Variants in DAPK2 observed in about 807,000 individuals in gnomAD.
The protein encoded by DAPK2 is death associated protein kinase 2, also known as death-associated protein kinase 2.
In DAPK2, 35 loss-of-function variants were observed where a neutral mutation model predicts 44.1. The observed-to-expected ratio is 0.79, with a 90% CI of 0.61 to 1.05. DAPK2 has a LOEUF of 1.05. Ranked by LOEUF, DAPK2 falls within the 50% of genes least tolerant of loss-of-function variation. The pLI, the probability that DAPK2 is intolerant of heterozygous loss-of-function variation, is 0.00. For synonymous variants in DAPK2, 174 were observed against 182.6 expected (o/e 0.95, Z 0.38); for missense variants, 453 against 483.2 (o/e 0.94, Z 0.59).
chr15:64,030,859 T>G (rs1287986511), intron 1 of DAPK2, among the ~76,000 whole-genome samples: 1 of 152,050 alleles, frequency 6.6e-6, no homozygotes, highest in East Asian at 1.9e-4. Context: ...CCCTAGCTAC[T>G]CAGGAAGCTG....
intron 3 of DAPK2, among the ~76,000 whole-genome samples, chr15:63,965,082 T>A (rs544126595): frequency 1.3e-5 from 2 of 152,312 alleles, no homozygotes; most frequent in African/African-American, 4.8e-5. Flanking sequence ...TTTGTACCCA[T>A]CTATTTGGGA....
chr15:63,920,250 A>G (rs935051642), intron 8 of DAPK2: 6 of 152,106 alleles, frequency 3.9e-5, no homozygotes, highest in Non-Finnish European at 5.9e-5. Flanking sequence ...GATCACACTG[A>G]TAGTGCAAAT....
At chr15:63,929,423 TG>T in intron 6 of DAPK2, 127 bp downstream of exon 7, 1 of 1,233,164 alleles carries the variant, frequency 8.1e-7, no homozygotes, top group South Asian at 1.3e-5. Flanking sequence ...GCTTGCTGTG[TG>T]GACTTAACAC....
Position 63,980,496 on chromosome 15 carries a change from G to C in DAPK2, c.314+3037C>G. Among the ~76,000 whole-genome samples, 1 of 152,220 alleles carries C rather than the reference G, an allele frequency of 6.6e-6. No homozygotes were observed. Among genetic ancestry groups the C allele is most frequent in the South Asian group, 2.1e-4 (1 of 4,822 alleles). ...ACGTTGTGGTAGTAATGGTTAACCAGCACCATCTTTGAAAAGTGAGGATAT... is the reference window on the plus strand; with the variant it reads ...ACGTTGTGGTAGTAATGGTTAACCACCACCATCTTTGAAAAGTGAGGATAT... On this transcript the variant is annotated intron_variant, in intron 2 of 10. Transcript: ENST00000261891. This position sits in a 1 kb window ranked among gnomAD's most constrained non-coding sequence, Gnocchi z 4.3.
chr15:64,045,500 G>A (rs1323313528), intron 1 of DAPK2, among the ~76,000 whole-genome samples: 3 of 152,184 alleles, frequency 2.0e-5, no homozygotes, highest in Non-Finnish European at 2.9e-5. Flanking sequence ...CCCTGCACCT[G>A]CCCGCTTGCC....
At chr15:64,040,289 G>T, upstream of DAPK2, 1 of 1,593,446 alleles carries the variant, frequency 6.3e-7, no homozygotes, top group Non-Finnish European at 8.6e-7. Context: ...AGAAACCTGT[G>T]GTTAGGACAG....
rs191691197 is a variant in DAPK2 at position 63,945,783 on chromosome 15, T to C, written c.454-6422A>G. On this transcript the variant is annotated intron_variant, in intron 3 of 10. Transcript: ENST00000261891. ...CAAAGCCCCTTCAAGCTCTGGGCTC[T>C]GCAGTTTCGAGATGGCACAACCTCC... 1.2e-3 allele frequency among the ~76,000 whole-genome samples: 184 copies of C among 152,326 alleles called. 1 individual carries two copies. The highest frequency in any genetic ancestry group is 4.4e-3 in the African/African-American group (183 of 41,584).
intron 4 of DAPK2, 110 bp from the exon 6 acceptor site, chr15:63,930,565 G>A (rs2140372923): frequency 9.9e-7 from 1 of 1,007,824 alleles, no homozygotes; most frequent in Non-Finnish European, 1.5e-6. Context: ...TGAATCTCCA[G>A]GAAAATTAGA....
chr15:63,954,868 C>T (rs2077682094), intron 3 of DAPK2, among the ~76,000 whole-genome samples: 1 of 152,110 alleles, frequency 6.6e-6, no homozygotes, highest in South Asian at 2.1e-4. Context: ...AGATCTTTCA[C>T]ATATTTTGTT....
chr15:64,035,781 C>T (rs1461895299), intron 1 of DAPK2, among the ~76,000 whole-genome samples: 3 of 152,200 alleles, frequency 2.0e-5, no homozygotes, highest in Admixed American at 6.5e-5. Flanking sequence ...CAGGCTGGTG[C>T]CAAAAGTGTG....
intron 1 of DAPK2, among the ~76,000 whole-genome samples, chr15:63,989,475 T>G (rs1426683403): frequency 6.6e-6 from 1 of 152,176 alleles, no homozygotes; most frequent in Non-Finnish European, 1.5e-5. Context: ...TCCACGTCAC[T>G]GACTCCGGCT....
rs1308321125 is a variant in DAPK2 at position 63,926,095 on chromosome 15, T to C, written c.660-2A>G. 2 of 1,599,804 alleles carry C rather than the reference T, an allele frequency of 1.3e-6. No homozygotes were observed. The highest frequency in any genetic ancestry group is 2.2e-5 in the East Asian group (1 of 44,712). On this transcript the variant is annotated splice_acceptor_variant, in intron 6 of 10. Transcript: ENST00000261891. LOFTEE classifies it high-confidence loss of function. ...AGGAAAGGGGATGCTCCACTTAAGC[T>C]GAGTACGACAGACAGGGAATCAAAT...
intron 2 of DAPK2, among the ~76,000 whole-genome samples, chr15:63,976,586 T>C (rs1415337747): frequency 6.6e-6 from 1 of 151,406 alleles, no homozygotes; most frequent in Non-Finnish European, 1.5e-5. Context: ...GGCATGGTGA[T>C]GTGCACCTGT....
At chr15:63,925,412 G>A (rs1023208149) in intron 7 of DAPK2, among the ~76,000 whole-genome samples, 3 of 151,938 alleles carry the variant, frequency 2.0e-5, no homozygotes, top group Admixed American at 2.0e-4. Flanking sequence ...CATGCTCTGG[G>A]TACCCAGCGC....
chr15:64,009,899 C>T (rs1331280719), intron 1 of DAPK2, among the ~76,000 whole-genome samples: 1 of 152,198 alleles, frequency 6.6e-6, no homozygotes, highest in African/African-American at 2.4e-5. Flanking sequence ...AAATCTGAAA[C>T]ACAGTCATGA....
intron 4 of DAPK2, chr15:63,932,607 A>C (rs2077002353): frequency 6.6e-6 from 1 of 152,076 alleles, no homozygotes; most frequent in Non-Finnish European, 1.5e-5. Flanking sequence ...AAAAAAGAGG[A>C]CAGTAGCTTG....
chr15:63,967,507 A>C (rs1484130741), intron 3 of DAPK2, among the ~76,000 whole-genome samples: 1 of 152,184 alleles, frequency 6.6e-6, no homozygotes, highest in Non-Finnish European at 1.5e-5. Context: ...CCTGGCCAAC[A>C]TGGTGAAACC....
intron 2 of DAPK2, among the ~76,000 whole-genome samples, chr15:63,975,908 T>A (rs1025684350): frequency 4.6e-5 from 7 of 152,240 alleles, no homozygotes; most frequent in African/African-American, 1.7e-4. Flanking sequence ...ATGATTCTTA[T>A]ATGGCTAAAA....
At chr15:63,987,881 TG>T (rs2078708788) in intron 1 of DAPK2, among the ~76,000 whole-genome samples, 1 of 152,060 alleles carries the variant, frequency 6.6e-6, no homozygotes. Flanking sequence ...CTTTGTCACA[TG>T]GGGATGATAA....
Sources: gnomAD v4.1 joint callset for allele counts (sites outside exome capture counted in the v4.1 genomes callset) on GRCh38, gnomAD v4.1.1 for gene constraint, Gnocchi (gnomAD v3.1) non-coding constraint, MANE v1.5 for transcripts, NCBI Gene and HGNC (gene_info 2026-07-23, HGNC 2026-07-21) for gene names.